STPG2: variants seen among roughly 807,000 people sequenced by gnomAD.
STPG2 encodes the protein sperm-tail PG-rich repeat-containing protein 2.
STPG2 carries 56 observed loss-of-function variants against 54.2 expected under a neutral mutation model. The observed-to-expected ratio is 1.03, with a 90% CI of 0.83 to 1.29. STPG2 has a LOEUF of 1.29. Among genes scored for constraint, STPG2 ranks in the 50% most tolerant of loss-of-function variants. STPG2 has a pLI of 0.00. For synonymous variants in STPG2, 200 were observed against 181.8 expected, an observed-to-expected ratio of 1.10 and a Z score of -0.81; for missense variants, 596 against 544.9, an observed-to-expected ratio of 1.09 and a Z score of -0.93.
At chr4:98,114,050 C>T (rs1295100874) in intron 3 of STPG2, among the ~76,000 whole-genome samples, 1 of 55,966 alleles carries the variant, frequency 1.8e-5, no homozygotes, top group Non-Finnish European at 4.1e-5. Flanking sequence ...GTTGAAAACA[C>T]TCCTCTCTCC....
chr4:97,530,432 T>C (rs1731389230), intron 4 of STPG2, among the ~76,000 whole-genome samples: 1 of 152,204 alleles, frequency 6.6e-6, no homozygotes, highest in South Asian at 2.1e-4. Context: ...AGCCAATGCT[T>C]AGGTAAATGT....
intron 9 of STPG2, among the ~76,000 whole-genome samples, chr4:97,814,103 T>G (rs1245009898): frequency 6.6e-6 from 1 of 152,184 alleles, no homozygotes; most frequent in Non-Finnish European, 1.5e-5. Context: ...ATCTGATAGT[T>G]CCTCCAAACA....
intron 5 of STPG2, among the ~76,000 whole-genome samples, chr4:98,008,289 T>C (rs894089051): frequency 7.2e-6 from 1 of 139,020 alleles, no homozygotes; most frequent in African/African-American, 2.7e-5. Context: ...GAACTTATTT[T>C]CAGAATTCTG....
chr4:97,879,394 G>A (rs1052425090), intron 8 of STPG2, among the ~76,000 whole-genome samples: 2 of 152,148 alleles, frequency 1.3e-5, no homozygotes, highest in African/African-American at 2.4e-5. Flanking sequence ...AGAAAAAGAG[G>A]TTTAATGGAC....
intron 9 of STPG2, among the ~76,000 whole-genome samples, chr4:97,836,980 A>C (rs939409607): frequency 2.6e-5 from 4 of 151,430 alleles, no homozygotes; most frequent in Non-Finnish European, 3.0e-5. Flanking sequence ...TGCTTAATAC[A>C]TAAGATAGTC....
At chr4:97,857,405 G>A (rs896694248) in intron 8 of STPG2, among the ~76,000 whole-genome samples, 1 of 152,012 alleles carries the variant, frequency 6.6e-6, no homozygotes, top group Admixed American at 6.6e-5. Context: ...TATGTTTCCA[G>A]GAATCTAATT....
At chr4:98,057,509 A>G (rs1737518523) in intron 5 of STPG2, among the ~76,000 whole-genome samples, 1 of 152,150 alleles carries the variant, frequency 6.6e-6, no homozygotes, top group African/African-American at 2.4e-5. Context: ...AAGAATAGAG[A>G]AAAAAAGAAT....
At chr4:97,990,743 G>A (rs948540390) in intron 5 of STPG2, among the ~76,000 whole-genome samples, 1 of 152,042 alleles carries the variant, frequency 6.6e-6, no homozygotes. Flanking sequence ...ATTGAAACAG[G>A]TTATTTATGG....
chr4:97,761,655 G>A (rs1287725767), intron 9 of STPG2, among the ~76,000 whole-genome samples: 1 of 152,102 alleles, frequency 6.6e-6, no homozygotes, highest in Non-Finnish European at 1.5e-5. Flanking sequence ...TGGATATCTT[G>A]GGAAGCTATT....
In STPG2 at chr4:97,633,158, TATA is replaced by T. The variant is rs1256855706; in HGVS notation, c.1321-74044_1321-74042del. ...TCTGCCATTTACATTCTTATAATAA[TATA>T]ATAATTGAATTGATCTAAAACTTAT... On this transcript the variant is annotated intron_variant, in intron 10 of 10. Transcript: ENST00000295268. Among the ~76,000 whole-genome samples, 6 of 152,284 alleles carry T rather than the reference TATA, an allele frequency of 3.9e-5. No individual in the cohort carries two copies. The South Asian group carries it at 8.3e-4, about 21-fold the overall frequency.
chr4:98,109,698 CAG>C (rs1739290974), intron 3 of STPG2, among the ~76,000 whole-genome samples: 1 of 152,074 alleles, frequency 6.6e-6, no homozygotes, highest in African/African-American at 2.4e-5. Context: ...CTTAACTAAA[CAG>C]ATTGAAAAAA....
intron 10 of STPG2, among the ~76,000 whole-genome samples, chr4:97,663,628 A>G (rs2148963476): frequency 6.6e-6 from 1 of 152,332 alleles, no homozygotes; most frequent in South Asian, 2.1e-4. Flanking sequence ...ATTTAACTCT[A>G]ATATTGAAAA....
intron 10 of STPG2, among the ~76,000 whole-genome samples, chr4:97,567,224 A>C (rs892067773): frequency 2.7e-5 from 4 of 150,614 alleles, no homozygotes; most frequent in East Asian, 2.0e-4. Context: ...ACACACACAC[A>C]CCCTTTAAAT....
At chr4:97,651,084 T>C (rs1722053574) in intron 10 of STPG2, among the ~76,000 whole-genome samples, 1 of 151,868 alleles carries the variant, frequency 6.6e-6, no homozygotes, top group Admixed American at 6.6e-5. Context: ...CAAAAGACTA[T>C]ACAAAAGGCA....
chr4:97,819,994 T>C (rs529610736), intron 9 of STPG2, among the ~76,000 whole-genome samples: 1 of 152,140 alleles, frequency 6.6e-6, no homozygotes, highest in East Asian at 1.9e-4. Context: ...AAATTGAAGG[T>C]TTGTGGCAAC....
At chr4:98,051,324 G>T (rs547608152) in intron 5 of STPG2, among the ~76,000 whole-genome samples, 8 of 152,108 alleles carry the variant, frequency 5.3e-5, no homozygotes, top group African/African-American at 1.7e-4. Flanking sequence ...GAAGAAAAAC[G>T]ATCACAAAAT....
chr4:98,038,631 CAAGG>C (rs1736846315), intron 5 of STPG2, among the ~76,000 whole-genome samples: 1 of 151,544 alleles, frequency 6.6e-6, no homozygotes, highest in African/African-American at 2.4e-5. Context: ...CTTATTTCAA[CAAGG>C]TAGGAAAAAT....
At chr4:97,889,360 C>G (rs906887793) in intron 8 of STPG2, among the ~76,000 whole-genome samples, 1 of 152,178 alleles carries the variant, frequency 6.6e-6, no homozygotes, top group African/African-American at 2.4e-5. Flanking sequence ...GATGAGATAA[C>G]TATATTCCCA....
chr4:97,474,197 A>T (rs1024028692), intron 4 of STPG2, among the ~76,000 whole-genome samples: 42 of 152,122 alleles, frequency 2.8e-4, no homozygotes, highest in Non-Finnish European at 5.1e-4. Flanking sequence ...AGTTTATGGG[A>T]ACTCTCCATA....
Sources: allele counts gnomAD v4.1 joint callset (sites outside exome capture counted in the v4.1 genomes callset), GRCh38; gene constraint gnomAD v4.1.1; transcripts MANE v1.5; gene names NCBI Gene and HGNC (gene_info 2026-07-23, HGNC 2026-07-21).